DLG2: variants seen among roughly 807,000 people sequenced by gnomAD.
DLG2 encodes disks large homolog 2.
A neutral mutation model predicts 132.5 loss-of-function variants in DLG2; 45 were observed. The observed-to-expected ratio is 0.34, with a 90% CI of 0.27 to 0.44. DLG2 has a LOEUF of 0.44. Ranked by LOEUF, DLG2 falls within the 20% of genes least tolerant of loss-of-function variation. The probability of loss-of-function intolerance (pLI) is 1.00; values close to 1 mark genes in which losing one functional copy is unlikely to be tolerated. For missense variants in DLG2, 1,045 were observed against 1,196.9 expected (o/e 0.87, Z 1.87); for synonymous variants, 424 against 419.6 (o/e 1.01, Z -0.13).
At chr11:85,616,818 T>C (rs142277963) in intron 2 of DLG2, among the ~76,000 whole-genome samples, 34 of 152,274 alleles carry the variant, frequency 2.2e-4, no homozygotes, top group African/African-American at 6.5e-4. Context: ...AGGAATGGCA[T>C]TGTAACGCAT....
intron 6 of DLG2, among the ~76,000 whole-genome samples, chr11:84,872,952 G>C (rs1233728189): frequency 1.3e-5 from 2 of 152,120 alleles, no homozygotes; most frequent in Non-Finnish European, 2.9e-5. Context: ...TTTTGTTTCT[G>C]GACTCAAATC....
At chr11:83,748,911 A>G (rs950057462) in intron 18 of DLG2, among the ~76,000 whole-genome samples, 4 of 152,226 alleles carry the variant, frequency 2.6e-5, no homozygotes, top group Non-Finnish European at 5.9e-5. Flanking sequence ...TAAATGAAAG[A>G]TAATATTTTC....
At chr11:85,379,751 G>A (rs559013327) in intron 3 of DLG2, among the ~76,000 whole-genome samples, 146 of 152,286 alleles carry the variant, frequency 9.6e-4, no homozygotes, top group African/African-American at 3.2e-3. Context: ...AGATTGCAAC[G>A]ATACTTCTGG....
intron 8 of DLG2, among the ~76,000 whole-genome samples, chr11:84,188,885 C>T (rs1416868223): frequency 6.6e-6 from 1 of 152,136 alleles, no homozygotes; most frequent in Non-Finnish European, 1.5e-5. Context: ...TCACCCAGAG[C>T]CTTCTTTTTG....
At chr11:83,848,374 T>A (rs2059047931) in intron 16 of DLG2, among the ~76,000 whole-genome samples, 1 of 152,176 alleles carries the variant, frequency 6.6e-6, no homozygotes, top group Non-Finnish European at 1.5e-5. Context: ...ATATTGATAA[T>A]CCACTAATTC....
intron 7 of DLG2, among the ~76,000 whole-genome samples, chr11:84,528,599 A>G (rs2099328112): frequency 6.6e-6 from 1 of 152,170 alleles, no homozygotes; most frequent in African/African-American, 2.4e-5. Context: ...CTAGAGTCAC[A>G]TTGTTTTCTC....
intron 19 of DLG2, among the ~76,000 whole-genome samples, chr11:83,568,947 T>C (rs536821766): frequency 2.6e-5 from 4 of 152,230 alleles, no homozygotes; most frequent in Non-Finnish European, 4.4e-5. Flanking sequence ...CATAATCATT[T>C]ACTTTCCTGT....
intron 16 of DLG2, among the ~76,000 whole-genome samples, chr11:83,835,843 T>G (rs1364082846): frequency 6.6e-6 from 1 of 152,138 alleles, no homozygotes; most frequent in Non-Finnish European, 1.5e-5. Flanking sequence ...GAATTCAGTT[T>G]CTTGTGGTTG....
In DLG2 at chr11:84,669,542, CAA is replaced by C. The variant is rs137880346; in HGVS notation, c.358-134813_358-134812del. Among the ~76,000 whole-genome samples, 1,091 of 152,248 alleles carry C rather than the reference CAA, an allele frequency of 7.2e-3. 17 individuals are homozygous for C. Among genetic ancestry groups the C allele is most frequent in the African/African-American group, 0.024 (995 of 41,552 alleles). ...TCATAAACTCCTTCACTTCTTTTGA[CAA>C]AGTGTTAGCATCTATGGTGTAAGAT... On this transcript the variant is annotated intron_variant, in intron 6 of 27. Coordinates refer to ENST00000376104, the MANE Select transcript of DLG2 (RefSeq NM_001142699.3).
At chr11:83,671,868 C>T (rs1326786957) in intron 18 of DLG2, among the ~76,000 whole-genome samples, 1 of 152,184 alleles carries the variant, frequency 6.6e-6, no homozygotes, top group East Asian at 1.9e-4. Context: ...CTCCAATTGT[C>T]TCATTGTCAT....
intron 6 of DLG2, among the ~76,000 whole-genome samples, chr11:84,954,447 T>A (rs920710400): frequency 1.3e-5 from 2 of 151,916 alleles, no homozygotes; most frequent in African/African-American, 4.8e-5. Context: ...ATATAATGGA[T>A]CACGTTCCTT....
intron 21 of DLG2, among the ~76,000 whole-genome samples, chr11:83,488,419 T>C (rs1237938807): frequency 1.3e-5 from 2 of 151,974 alleles, no homozygotes; most frequent in Non-Finnish European, 2.9e-5. Context: ...TGTAATGGCA[T>C]TGGTGAACTG....
intron 6 of DLG2, among the ~76,000 whole-genome samples, chr11:84,994,505 AC>A (rs2057447228): frequency 6.6e-6 from 1 of 152,196 alleles, no homozygotes; most frequent in African/African-American, 2.4e-5. Flanking sequence ...CTAGACATGG[AC>A]TACCACCGTC....
At chr11:85,134,608 A>ACTCGTAAGACT (rs11274936) in intron 5 of DLG2, among the ~76,000 whole-genome samples, 8,123 of 150,520 alleles carry the variant, frequency 0.054, 324 homozygotes, top group African/African-American at 0.11. Flanking sequence ...AATATGTAAG[A>ACTCGTAAGACT]CTTCTACTTT....
At chr11:84,003,679 C>A (rs540939107) in intron 11 of DLG2, among the ~76,000 whole-genome samples, 1 of 152,228 alleles carries the variant, frequency 6.6e-6, no homozygotes, top group African/African-American at 2.4e-5. Context: ...TTACCTCCAC[C>A]TGGTCTCTCC....
At chr11:83,657,539 T>TTTC (rs1307874244) in intron 18 of DLG2, among the ~76,000 whole-genome samples, 2 of 137,498 alleles carry the variant, frequency 1.5e-5, no homozygotes, top group South Asian at 2.6e-4. Flanking sequence ...CTATTCTTTT[T>TTTC]TTTTTTTTTT....
At chr11:85,221,258 A>G (rs2074623808) in intron 4 of DLG2, among the ~76,000 whole-genome samples, 1 of 151,826 alleles carries the variant, frequency 6.6e-6, no homozygotes, top group Non-Finnish European at 1.5e-5. Flanking sequence ...GGATGGTCTC[A>G]ATCTCCTGAC....
At chr11:83,747,303 C>A (rs937308981) in intron 18 of DLG2, among the ~76,000 whole-genome samples, 1 of 148,384 alleles carries the variant, frequency 6.7e-6, no homozygotes, top group Non-Finnish European at 1.5e-5. Flanking sequence ...TTCCTTCCTT[C>A]CTTCCTTCCT....
intron 7 of DLG2, among the ~76,000 whole-genome samples, chr11:84,267,121 T>C (rs543710273): frequency 6.6e-6 from 1 of 152,336 alleles, no homozygotes; most frequent in South Asian, 2.1e-4. Flanking sequence ...TTCCTGGTCT[T>C]ACTGGCCACA....
Sources: gnomAD v4.1 joint callset for allele counts (sites outside exome capture counted in the v4.1 genomes callset) on GRCh38, gnomAD v4.1.1 for gene constraint, MANE v1.5 for transcripts, NCBI Gene and HGNC (gene_info 2026-07-23, HGNC 2026-07-21) for gene names.